SORCS2: variants seen among roughly 807,000 people sequenced by gnomAD.
The protein encoded by SORCS2 is VPS10 domain-containing receptor SorCS2.
Under a neutral mutation model 141.6 loss-of-function variants are expected in SORCS2, and 100 were observed. The observed-to-expected ratio is 0.71, with a 90% CI of 0.60 to 0.83. SORCS2 has a LOEUF of 0.83. Ranked by LOEUF, SORCS2 falls within the 40% of genes least tolerant of loss-of-function variation. The probability of loss-of-function intolerance (pLI) is 0.00; values close to 1 mark genes in which losing one functional copy is unlikely to be tolerated. For synonymous variants in SORCS2, 789 were observed against 676.9 expected (o/e 1.17, Z -2.57); for missense variants, 1,646 against 1,560.2 (o/e 1.05, Z -0.93).
At chr4:7,259,547 G>T (rs1178179271) in intron 1 of SORCS2, among the ~76,000 whole-genome samples, 1 of 152,188 alleles carries the variant, frequency 6.6e-6, no homozygotes, top group Non-Finnish European at 1.5e-5. Context: ...TCAGGCCCAG[G>T]GGTGGCCCTT....
At chr4:7,269,982 C>T (rs544166708) in intron 1 of SORCS2, among the ~76,000 whole-genome samples, 16 of 152,312 alleles carry the variant, frequency 1.1e-4, no homozygotes, top group African/African-American at 3.1e-4. Flanking sequence ...TGGGGTCAAG[C>T]GATTTTCCTG....
In SORCS2 at chr4:7,310,290, C is replaced by T. The variant is rs562387051; in HGVS notation, c.481-85998C>T. 2.0e-4 allele frequency among the ~76,000 whole-genome samples: 30 copies of T among 152,334 alleles called. No individual in the cohort carries two copies. In the East Asian group the frequency reaches 2.1e-3, roughly 11 times the overall value. On this transcript the variant is annotated intron_variant, in intron 1 of 26. Transcript: ENST00000507866. ...CCCCCATTTTAGAAATGAGGAAACT[C>T]AGTCACAGAGAAGTTAAGACAGTTG...
intron 19 of SORCS2, among the ~76,000 whole-genome samples, chr4:7,724,480 G>GTGA (rs147164731): frequency 0.16 from 11,666 of 70,940 alleles, 1,746 homozygotes; most frequent in African/African-American, 0.26. Flanking sequence ...GGTGATGGTG[G>GTGA]TGATGGTGGT....
intron 2 of SORCS2, among the ~76,000 whole-genome samples, chr4:7,458,987 G>T (rs1235702683): frequency 6.6e-6 from 1 of 152,184 alleles, no homozygotes; most frequent in African/African-American, 2.4e-5. Context: ...TGTGGGGGCC[G>T]GCAGGGGGTG....
At chr4:7,407,310 C>G (rs897481229) in intron 2 of SORCS2, among the ~76,000 whole-genome samples, 12 of 152,066 alleles carry the variant, frequency 7.9e-5, no homozygotes, top group African/African-American at 2.4e-4. Flanking sequence ...GTATTTCAGT[C>G]TATCTCTTCC....
intron 6 of SORCS2, 110 bp downstream of exon 6, chr4:7,661,674 G>C (rs918592985): frequency 1.4e-4 from 141 of 1,007,016 alleles, no homozygotes; most frequent in East Asian, 6.2e-4. Flanking sequence ...GCCCTACACA[G>C]CCGGCCTCAC....
intron 10 of SORCS2, among the ~76,000 whole-genome samples, chr4:7,684,010 G>T (rs975690650): frequency 4.6e-5 from 7 of 152,148 alleles, no homozygotes; most frequent in African/African-American, 1.7e-4. Context: ...GGGAGGAAGA[G>T]GCGAAATGGG....
chr4:7,236,492 T>C (rs1233624847), intron 1 of SORCS2, among the ~76,000 whole-genome samples: 1 of 151,946 alleles, frequency 6.6e-6, no homozygotes, highest in Non-Finnish European at 1.5e-5. Flanking sequence ...ATGGCGTAGG[T>C]GAGGGGCATC....
intron 2 of SORCS2, among the ~76,000 whole-genome samples, chr4:7,508,958 C>A (rs1038377217): frequency 3.9e-5 from 6 of 152,294 alleles, no homozygotes; most frequent in African/African-American, 1.4e-4. Flanking sequence ...ACAAGGGTGG[C>A]TCGGGAGATG....
At chr4:7,197,851 C>G (rs1727262828) in intron 1 of SORCS2, among the ~76,000 whole-genome samples, 1 of 152,202 alleles carries the variant, frequency 6.6e-6, no homozygotes, top group Non-Finnish European at 1.5e-5. Flanking sequence ...CCCTGCCACT[C>G]TCTGGCTCTG....
intron 1 of SORCS2, among the ~76,000 whole-genome samples, chr4:7,292,197 G>A (rs1716655351): frequency 6.6e-6 from 1 of 151,516 alleles, no homozygotes; most frequent in Non-Finnish European, 1.5e-5. Flanking sequence ...TTGACAGTCT[G>A]TTCACCAAGG....
At chr4:7,327,893 C>G (rs1015255335) in intron 1 of SORCS2, among the ~76,000 whole-genome samples, 28 of 150,626 alleles carry the variant, frequency 1.9e-4, no homozygotes, top group African/African-American at 5.8e-4. Context: ...GATGCCTGTT[C>G]TTGTCCCCCT....
rs940974553 is a variant in SORCS2, at chr4:7,374,861, C to A, written c.481-21427C>A. Reference sequence around the variant, plus strand: ...GGGGAGGCTTTTTTGCTGCAGGTGACCCTGTGCTGGGTGTGTGGTCTGCAT... The same window carrying A: ...GGGGAGGCTTTTTTGCTGCAGGTGAACCTGTGCTGGGTGTGTGGTCTGCAT... On this transcript the variant is annotated intron_variant, in intron 1 of 26. Transcript: ENST00000507866. Among the ~76,000 whole-genome samples, 3 of 152,124 alleles carry A rather than the reference C, an allele frequency of 2.0e-5. No homozygotes were observed. The South Asian group carries it at 6.2e-4, about 32-fold the overall frequency.
intron 2 of SORCS2, among the ~76,000 whole-genome samples, chr4:7,467,163 A>G (rs1729669532): frequency 6.6e-6 from 1 of 152,150 alleles, no homozygotes; most frequent in Non-Finnish European, 1.5e-5. Context: ...GCATGCCACA[A>G]GTGGTCCCCT....
rs1724728519 is a variant in SORCS2 at position 7,696,650 on chromosome 4, C to T, written c.1592-548C>T. On this transcript the variant is annotated intron_variant, in intron 11 of 26. Transcript: ENST00000507866. The stretch of plus-strand genomic sequence containing the variant: ...CTGGGGCTCCAGTAAACCCAAACCA[C>T]ATTCTGCACCCCCAGTTGGTTTGGT... Among the ~76,000 whole-genome samples the T allele has an allele frequency of 2.6e-5, 4 of 152,332 alleles. No individual in the cohort carries two copies. In the South Asian group the frequency reaches 8.3e-4, roughly 32 times the overall value.
chr4:7,527,823 G>A (rs1158635522), intron 2 of SORCS2, among the ~76,000 whole-genome samples: 1 of 152,132 alleles, frequency 6.6e-6, no homozygotes, highest in African/African-American at 2.4e-5. Context: ...GAGATGTAGG[G>A]GTGGAATTTA....
intron 12 of SORCS2, among the ~76,000 whole-genome samples, chr4:7,698,777 C>A (rs1025073596): frequency 2.6e-5 from 4 of 152,152 alleles, no homozygotes; most frequent in African/African-American, 9.7e-5. Flanking sequence ...AGGGGCTTGC[C>A]TGGCTGGCGG....
chr4:7,725,254 C>G lies in SORCS2; in HGVS notation c.2712C>G (p.Thr904=), dbSNP rs368731716. Reference sequence around the variant, plus strand: ...TGCTTCCCTTGAACCCTAACCTCACCGTCTTCTACTGGTGGATCGGCCACA... The same window carrying G: ...TGCTTCCCTTGAACCCTAACCTCACGGTCTTCTACTGGTGGATCGGCCACA... ...AVLLPLNPNL[T]VFYWWIGHSL... is the part of the protein sequence containing the mutation. The change falls in exon 20 of 27, where the codon ACC becomes ACG. Residue 904 remains threonine, a synonymous_variant. Transcript: ENST00000507866. 1.9e-6 allele frequency: 3 copies of G among 1,613,452 alleles called. No individual in the cohort carries two copies. Among genetic ancestry groups the G allele is most frequent in the Non-Finnish European group, 2.5e-6 (3 of 1,179,670 alleles).
At chr4:7,516,912 C>G (rs1733020166) in intron 2 of SORCS2, among the ~76,000 whole-genome samples, 1 of 152,220 alleles carries the variant, frequency 6.6e-6, no homozygotes, top group Non-Finnish European at 1.5e-5. Flanking sequence ...CCATTCACAG[C>G]TTGGGAGCCA....
Sources: gnomAD v4.1 joint callset for allele counts (sites outside exome capture counted in the v4.1 genomes callset) on GRCh38, gnomAD v4.1.1 for gene constraint, MANE v1.5 for transcripts, NCBI Gene and HGNC (gene_info 2026-07-23, HGNC 2026-07-21) for gene names.